Variants in NOS2 observed in about 807,000 individuals in gnomAD.
The protein encoded by NOS2 is nitric oxide synthase, inducible.
In NOS2, 96 loss-of-function variants were observed where a neutral mutation model predicts 136.0. The ratio of observed to expected loss-of-function variants is 0.71; its 90% confidence interval spans 0.60 to 0.84. The LOEUF (loss-of-function observed/expected upper bound fraction) is 0.84, where lower values mean the gene tolerates loss of function less well. Ranked by LOEUF, NOS2 falls within the 40% of genes least tolerant of loss-of-function variation. NOS2 has a pLI of 0.00. For missense variants in NOS2, 1,237 were observed against 1,496.9 expected, an observed-to-expected ratio of 0.83 and a Z score of 2.87; for synonymous variants, 539 against 587.5, an observed-to-expected ratio of 0.92 and a Z score of 1.20.
chr17:27,779,123 T>G (rs1908759165), intron 9 of NOS2, 67 bp from the exon 10 acceptor site: 4 of 1,224,794 alleles, frequency 3.3e-6, no homozygotes, highest in Non-Finnish European at 4.2e-6. Flanking sequence ...TATTTTTTTT[T>G]TAGTGACTTG....
At chr17:27,767,930 CA>C (rs1418737194) in intron 17 of NOS2, 93 bp from the exon 18 acceptor site, 11 of 1,512,958 alleles carry the variant, frequency 7.3e-6, no homozygotes, top group Middle Eastern at 2.4e-4. Flanking sequence ...TACCATGGGC[CA>C]AACACTGAGC....
chr17:27,765,937 C>T (rs1908287563), intron 19 of NOS2, among the ~76,000 whole-genome samples: 1 of 152,236 alleles, frequency 6.6e-6, no homozygotes, highest in African/African-American at 2.4e-5. Context: ...GGGCCCACCC[C>T]TTCCCAGCAG....
At chr17:27,799,897 G>T (rs1209199300) in intron 1 of NOS2, among the ~76,000 whole-genome samples, 1 of 152,092 alleles carries the variant, frequency 6.6e-6, no homozygotes, top group Non-Finnish European at 1.5e-5. Flanking sequence ...TAGCCCCATA[G>T]ACCTGGGTTC....
intron 22 of NOS2, among the ~76,000 whole-genome samples, chr17:27,762,078 C>A (rs28944198): frequency 0.016 from 2,450 of 152,254 alleles, 60 homozygotes; most frequent in African/African-American, 0.055. Context: ...CAGGGGGCAG[C>A]GGCCAGTGGT....
chr17:27,774,541 G>A (rs2151329287), intron 11 of NOS2, 90 bp from the exon 12 acceptor site: 6 of 961,012 alleles, frequency 6.2e-6, no homozygotes, highest in African/African-American at 1.7e-5. Flanking sequence ...GAGAGTGCCT[G>A]GGAAGGCCTG....
chr17:27,786,046 C>A (rs1909012903), intron 5 of NOS2, among the ~76,000 whole-genome samples: 1 of 149,398 alleles, frequency 6.7e-6, no homozygotes, highest in African/African-American at 2.5e-5. Flanking sequence ...GTCCCAGGTA[C>A]ATGTCTGTGG....
chr17:27,789,760 A>G (rs1909135556), intron 2 of NOS2, 72 bp from the exon 3 acceptor site: 2 of 1,053,668 alleles, frequency 1.9e-6, no homozygotes, highest in African/African-American at 1.6e-5. Context: ...TCCCTCTGCC[A>G]GTAACCTCAT....
intron 9 of NOS2, among the ~76,000 whole-genome samples, chr17:27,780,469 ATC>A (rs1395948324): frequency 6.6e-6 from 1 of 152,136 alleles, no homozygotes; most frequent in African/African-American, 2.4e-5. Flanking sequence ...CCTTTCTAGA[ATC>A]TCAATGCATT....
At position 27,799,582 on chromosome 17, in the gene NOS2, G is replaced by A. The variant is rs1437700935; in HGVS notation, c.-73-700C>T. Among the ~76,000 whole-genome samples the A allele has an allele frequency of 2.0e-5, 3 of 152,200 alleles. 1 individual carries two copies. The highest frequency in any genetic ancestry group is 4.1e-4 in the South Asian group (2 of 4,830). On this transcript the variant is annotated intron_variant, in intron 1 of 26. Coordinates refer to ENST00000313735, the MANE Select transcript of NOS2 (RefSeq NM_000625.4). Reference sequence around the variant, plus strand: ...TTTTAGGCCAAGTGCAGTGGCTCACGCCTGTAATCCCAGCATTTCGGGAGA... The same window carrying A: ...TTTTAGGCCAAGTGCAGTGGCTCACACCTGTAATCCCAGCATTTCGGGAGA...
intron 23 of NOS2, 142 bp downstream of exon 23, chr17:27,761,002 C>G: frequency 1.2e-6 from 1 of 862,212 alleles, no homozygotes; most frequent in Non-Finnish European, 1.8e-6. Flanking sequence ...CTGCTACAGG[C>G]AGCCACACCA....
intron 14 of NOS2, 126 bp downstream of exon 14, chr17:27,772,182 A>G (rs1908516859): frequency 9.5e-7 from 1 of 1,052,062 alleles, no homozygotes; most frequent in Non-Finnish European, 1.4e-6. Flanking sequence ...TCTCTTCCAG[A>G]TTAATGATGC....
At chr17:27,766,938 T>C (rs1403153919) in intron 18 of NOS2, among the ~76,000 whole-genome samples, 1 of 146,794 alleles carries the variant, frequency 6.8e-6, no homozygotes, top group African/African-American at 2.6e-5. Context: ...GAGACGGAGG[T>C]TGCAGTAAGC....
intron 20 of NOS2, among the ~76,000 whole-genome samples, chr17:27,764,800 C>CT (rs1744663966): frequency 6.6e-6 from 1 of 152,194 alleles, no homozygotes; most frequent in Admixed American, 6.5e-5. Context: ...TACACAGATG[C>CT]TTTGTAAACA....
At chr17:27,757,889 G>T (rs578226225) in intron 26 of NOS2, among the ~76,000 whole-genome samples, 1 of 152,210 alleles carries the variant, frequency 6.6e-6, no homozygotes, top group East Asian at 1.9e-4. Flanking sequence ...CCACCCCCGG[G>T]GCCTTTGTAC....
intron 22 of NOS2, among the ~76,000 whole-genome samples, chr17:27,761,677 C>T (rs1283198163): frequency 1.3e-5 from 2 of 152,190 alleles, no homozygotes; most frequent in African/African-American, 4.8e-5. Context: ...GAGCGTGGCC[C>T]TTGCTGGTAG....
intron 5 of NOS2, among the ~76,000 whole-genome samples, chr17:27,785,891 G>A (rs1219134078): frequency 2.0e-5 from 3 of 148,008 alleles, no homozygotes; most frequent in South Asian, 2.1e-4. Flanking sequence ...CCAGGAGATC[G>A]AGGCTGCAGT....
chr17:27,763,573 C>A (rs1908205529), intron 21 of NOS2, among the ~76,000 whole-genome samples: 1 of 152,226 alleles, frequency 6.6e-6, no homozygotes, highest in African/African-American at 2.4e-5. Flanking sequence ...TTAACGCATT[C>A]TCTCATTAAC....
At chr17:27,781,255 C>G (rs749745145) in intron 7 of NOS2, 78 bp from the exon 8 acceptor site, 330 of 1,471,986 alleles carry the variant, frequency 2.2e-4, no homozygotes, top group Non-Finnish European at 2.9e-4. Flanking sequence ...CCCTACCTCC[C>G]TCTCCACCCT....
chr17:27,792,771 G>A (rs1275343374), intron 2 of NOS2, among the ~76,000 whole-genome samples: 2 of 128,330 alleles, frequency 1.6e-5, no homozygotes. Context: ...TCGAGCCCAG[G>A]AGTTCAAGAC....
Sources: gnomAD v4.1 joint callset for allele counts (sites outside exome capture counted in the v4.1 genomes callset) on GRCh38, gnomAD v4.1.1 for gene constraint, MANE v1.5 for transcripts, NCBI Gene and HGNC (gene_info 2026-07-23, HGNC 2026-07-21) for gene names.